The following ACSS2 variants were observed in gnomAD, a reference collection of about 807,000 sequenced individuals.
ACSS2 encodes acetyl-coenzyme A synthetase, cytoplasmic.
A neutral mutation model predicts 90.6 loss-of-function variants in ACSS2; 58 were observed. That is an observed-to-expected ratio of 0.64 (90% confidence interval 0.52 to 0.80). The LOEUF (loss-of-function observed/expected upper bound fraction) is 0.80. Ranked by LOEUF, ACSS2 falls within the 30% of genes least tolerant of loss-of-function variation. The probability of loss-of-function intolerance (pLI) is 0.00; values close to 1 mark genes in which losing one functional copy is unlikely to be tolerated. For synonymous variants in ACSS2, 300 were observed against 330.9 expected, an observed-to-expected ratio of 0.91 and a Z score of 1.01; for missense variants, 759 against 912.0, an observed-to-expected ratio of 0.83 and a Z score of 2.16.
chr20:34,914,317 C>T lies in ACSS2; in HGVS notation c.720-6C>T, dbSNP rs17092169. 10,981 of 1,612,032 alleles carry T rather than the reference C, an allele frequency of 6.8e-3. 570 individuals are homozygous for T. In the African/African-American group the frequency reaches 0.12, roughly 17 times the overall value. On this transcript the variant is annotated splice_region_variant and splice_polypyrimidine_tract_variant and intron_variant, in intron 6 of 17. Coordinates refer to ENST00000360596, the MANE Select transcript of ACSS2 (RefSeq NM_018677.4). ...GGCTACCACTTTAGGCTTTTCTCTT[C>T]TCCAGGGGTTTCCCAGTAAGATGCT...
Position 34,913,743 on chromosome 20 carries a change from C to T in ACSS2, c.571-10C>T. On this transcript the variant is annotated splice_polypyrimidine_tract_variant and intron_variant, in intron 4 of 17. Coordinates refer to ENST00000360596, the MANE Select transcript of ACSS2 (RefSeq NM_018677.4). The stretch of plus-strand genomic sequence containing the variant: ...TTCTTCTCTCCCTCAGACTTTCTTC[C>T]CTTCCCTAGTTTGCAGGCTTCTCTT... 4 of 1,613,676 alleles carry T rather than the reference C, an allele frequency of 2.5e-6. No homozygotes were observed. The highest frequency in any genetic ancestry group is 3.4e-6 in the Non-Finnish European group (4 of 1,179,588).
chr20:34,879,077 TG>T (rs1235197539), intron 1 of ACSS2, among the ~76,000 whole-genome samples: 2 of 151,758 alleles, frequency 1.3e-5, no homozygotes, highest in Non-Finnish European at 2.9e-5. Context: ...GCTAATTTTT[TG>T]TATTTTTAGT....
chr20:34,907,649 C>T (rs569526870), intron 2 of ACSS2, among the ~76,000 whole-genome samples: 1 of 152,312 alleles, frequency 6.6e-6, no homozygotes, highest in East Asian at 1.9e-4. Flanking sequence ...ATGTGGTTTG[C>T]ATATGGGGAC....
At chr20:34,901,683 G>C (rs2080662336) in intron 2 of ACSS2, among the ~76,000 whole-genome samples, 1 of 152,166 alleles carries the variant, frequency 6.6e-6, no homozygotes, top group African/African-American at 2.4e-5. Flanking sequence ...CTCAAAGTTG[G>C]AAGGGCTGTA....
At chr20:34,914,203 T>G (rs759660482) in intron 6 of ACSS2, 32 bp downstream of exon 6, 5 of 1,613,134 alleles carry the variant, frequency 3.1e-6, no homozygotes, top group Non-Finnish European at 4.2e-6. Flanking sequence ...CTGAGTTGAC[T>G]GAGCCTTTCC....
In ACSS2 at chr20:34,876,726, G is replaced by T. The variant is rs1381687292; in HGVS notation, c.81G>T (p.Arg27=). Residue 27 remains arginine (R), a synonymous_variant, in exon 1 of 18, where the codon CGG becomes CGT. Coordinates refer to ENST00000360596, the MANE Select transcript of ACSS2 (RefSeq NM_018677.4). Reference sequence around the variant, plus strand: ...AAGCTGGAGCCGGAGGCCGGGCGCGGAGTTGGTCTCCGCCGCCCGAGGTCA... The same window carrying T: ...AAGCTGGAGCCGGAGGCCGGGCGCGTAGTTGGTCTCCGCCGCCCGAGGTCA... The part of the protein sequence containing the change: ...QEEAGAGGRA[R]SWSPPPEVSR... 4 of 1,445,598 alleles carry T rather than the reference G, an allele frequency of 2.8e-6. No homozygotes were observed. The South Asian group carries it at 5.5e-5, about 20-fold the overall frequency. The allele number at this position is 1,445,598 out of a possible 1,614,324, so 89.5% of individuals were successfully genotyped here. A position where few individuals can be genotyped will look rare whatever the true frequency, so the allele number is the denominator to read the frequency against.
chr20:34,875,233 G>A (rs529841975), upstream of ACSS2: 13 of 528,592 alleles, frequency 2.5e-5, no homozygotes, highest in East Asian at 2.7e-4. Context: ...GGTGGTGGTG[G>A]TGGGGGTTTC....
At chr20:34,904,774 A>T (rs1407966467) in intron 2 of ACSS2, among the ~76,000 whole-genome samples, 3 of 152,174 alleles carry the variant, frequency 2.0e-5, no homozygotes, top group African/African-American at 7.2e-5. Context: ...ACTGTGTACC[A>T]TGGGTTGTCA....
At chr20:34,921,190 G>A in intron 10 of ACSS2, 51 bp downstream of exon 10, 1 of 1,613,174 alleles carries the variant, frequency 6.2e-7, no homozygotes. Flanking sequence ...AGAGCTGGGT[G>A]CTGGCCTTTG....
upstream of ACSS2, chr20:34,876,563 C>T (rs888202813): frequency 1.6e-5 from 20 of 1,278,666 alleles, no homozygotes; most frequent in South Asian, 5.3e-4. Flanking sequence ...CTACGGAGGC[C>T]CCGCCTCTAG....
chr20:34,886,754 C>T (rs2080204460), intron 2 of ACSS2, among the ~76,000 whole-genome samples: 1 of 152,202 alleles, frequency 6.6e-6, no homozygotes, highest in Non-Finnish European at 1.5e-5. Context: ...CCAAAGTTCT[C>T]CCTCTTGGAG....
chr20:34,917,044 A>G (rs982120434), intron 7 of ACSS2, among the ~76,000 whole-genome samples: 1 of 152,130 alleles, frequency 6.6e-6, no homozygotes. Flanking sequence ...TATCAGTTCC[A>G]CACCTGGAGT....
intron 2 of ACSS2, among the ~76,000 whole-genome samples, chr20:34,891,545 G>A (rs1431399521): frequency 2.0e-5 from 3 of 152,104 alleles, no homozygotes; most frequent in Admixed American, 6.5e-5. Flanking sequence ...AATTTTAGAA[G>A]GTTTGGAATG....
In ACSS2 at chr20:34,913,790, T is replaced by C. The variant is rs1199256301; in HGVS notation, c.608T>C (p.Ile203Thr). 1 of 1,614,036 alleles carries C rather than the reference T, an allele frequency of 6.2e-7. No homozygotes were observed. Among genetic ancestry groups the C allele is most frequent in the African/African-American group, 1.3e-5 (1 of 74,898 alleles). ...TCTTCAGAGTCTCTATGTGAACGGA[T>C]CTTGGATTCCAGCTGCAGTCTTCTC... ...GFSSESLCERILDSSCSLLIT... is the reference protein window; with the variant it reads ...GFSSESLCERTLDSSCSLLIT... Residue 203 changes from isoleucine to threonine, a missense_variant, in exon 5 of 18, where the codon ATC becomes ACC. Physicochemically the swap from Ile to Thr is moderately conservative, Grantham distance 89 (BLOSUM62 -1). Coordinates refer to ENST00000360596, the MANE Select transcript of ACSS2 (RefSeq NM_018677.4).
chr20:34,878,457 C>G (rs953380288), intron 1 of ACSS2, among the ~76,000 whole-genome samples: 3 of 152,232 alleles, frequency 2.0e-5, no homozygotes, highest in Middle Eastern at 3.4e-3. Context: ...TGTATGAGGT[C>G]TAAAGTGTGT....
intron 2 of ACSS2, among the ~76,000 whole-genome samples, chr20:34,884,801 G>A (rs2080149965): frequency 6.6e-6 from 1 of 152,214 alleles, no homozygotes; most frequent in South Asian, 2.1e-4. Context: ...GCTCATGCCT[G>A]TAATCCCAGC....
intron 2 of ACSS2, among the ~76,000 whole-genome samples, chr20:34,896,382 A>G (rs562732787): frequency 6.6e-6 from 1 of 152,268 alleles, no homozygotes; most frequent in Non-Finnish European, 1.5e-5. Flanking sequence ...ACTTCTTGAC[A>G]TGATTCCAAA....
chr20:34,918,662 G>A (rs567457884), intron 7 of ACSS2, among the ~76,000 whole-genome samples: 14 of 152,308 alleles, frequency 9.2e-5, no homozygotes, highest in South Asian at 2.1e-4. Flanking sequence ...TAGGAAACAC[G>A]CAGATGTGGA....
rs1216977496 is a variant in ACSS2, at chr20:34,927,360, AG to A, written c.*148del. On this transcript the variant is annotated 3_prime_UTR_variant, in exon 18 of 18. Coordinates refer to ENST00000360596, the MANE Select transcript of ACSS2 (RefSeq NM_018677.4). The surrounding 1 kb of genome is among the most constrained non-coding windows in gnomAD (Gnocchi z 4.2). ...GGGACCGGAAACCAGCTTTGTCTCC[AG>A]GTAGAGACAACATCCTGTGACTGCC... 4 of 1,105,126 alleles carry A rather than the reference AG, an allele frequency of 3.6e-6. No individual in the cohort carries two copies. The highest frequency in any genetic ancestry group is 5.3e-6 in the Non-Finnish European group (4 of 761,652). 68.5% of individuals were successfully genotyped at this position (1,105,126 alleles called of 1,614,324 possible).
Sources: allele counts gnomAD v4.1 joint callset (sites outside exome capture counted in the v4.1 genomes callset), GRCh38; gene constraint gnomAD v4.1.1; non-coding constraint Gnocchi (gnomAD v3.1); transcripts MANE v1.5; gene names NCBI Gene and HGNC (gene_info 2026-07-23, HGNC 2026-07-21).